Variants in PDE7B observed in about 807,000 individuals in gnomAD.
PDE7B encodes 3',5'-cyclic-AMP phosphodiesterase 7B.
A neutral mutation model predicts 56.2 loss-of-function variants in PDE7B; 29 were observed. The observed-to-expected ratio is 0.52, with a 90% CI of 0.38 to 0.70. PDE7B has a LOEUF of 0.70. PDE7B is among the 30% of genes least tolerant of loss of function. The pLI, the probability that PDE7B is intolerant of heterozygous loss-of-function variation, is 0.00. For synonymous variants in PDE7B, 197 were observed against 196.9 expected (o/e 1.00, Z 0.00); for missense variants, 490 against 565.0 (o/e 0.87, Z 1.35).
At chr6:136,024,046 A>T (rs1208637678) in intron 2 of PDE7B, among the ~76,000 whole-genome samples, 1 of 152,130 alleles carries the variant, frequency 6.6e-6, no homozygotes, top group African/African-American at 2.4e-5. Context: ...ACATCCTTTG[A>T]TGGTGATCTA....
intron 3 of PDE7B, among the ~76,000 whole-genome samples, chr6:136,113,807 G>A (rs1410723150): frequency 6.6e-6 from 1 of 152,196 alleles, no homozygotes; most frequent in Non-Finnish European, 1.5e-5. Context: ...ACAACCTTCT[G>A]CAGAGCAGGC....
chr6:136,141,177 G>C (rs544731944), intron 3 of PDE7B, among the ~76,000 whole-genome samples: 15 of 152,178 alleles, frequency 9.9e-5, no homozygotes, highest in African/African-American at 2.9e-4. Flanking sequence ...TAGCATGAAG[G>C]GTTGTTGAAT....
At chr6:135,945,902 C>T (rs1340805130) in intron 1 of PDE7B, among the ~76,000 whole-genome samples, 1 of 151,998 alleles carries the variant, frequency 6.6e-6, no homozygotes, top group Non-Finnish European at 1.5e-5. Context: ...AATATGAGGA[C>T]AATTCTTATT....
intron 9 of PDE7B, among the ~76,000 whole-genome samples, chr6:136,175,921 T>C (rs529836535): frequency 3.3e-5 from 5 of 152,226 alleles, no homozygotes; most frequent in African/African-American, 1.2e-4. Flanking sequence ...CAATGTACCA[T>C]CACCAAAATT....
At chr6:136,110,745 CTT>C (rs1777732243) in intron 3 of PDE7B, among the ~76,000 whole-genome samples, 1 of 133,510 alleles carries the variant, frequency 7.5e-6, no homozygotes, top group Admixed American at 7.6e-5. Context: ...CAATTTGCCT[CTT>C]TTACTTTTGT....
At chr6:136,147,198 C>T (rs1467278387) in intron 3 of PDE7B, among the ~76,000 whole-genome samples, 153 bp from the exon 4 acceptor site, 4 of 151,418 alleles carry the variant, frequency 2.6e-5, no homozygotes, top group East Asian at 1.9e-4. Flanking sequence ...GTTCATGAAA[C>T]ATTTCAAATG....
chr6:135,949,887 T>G (rs912052586), intron 2 of PDE7B, among the ~76,000 whole-genome samples: 1 of 152,138 alleles, frequency 6.6e-6, no homozygotes, highest in Non-Finnish European at 1.5e-5. Context: ...CTTAGTGAGT[T>G]TGAGTTGCTC....
At chr6:135,969,947 A>C (rs1321439288) in intron 2 of PDE7B, among the ~76,000 whole-genome samples, 1 of 152,210 alleles carries the variant, frequency 6.6e-6, no homozygotes, top group Non-Finnish European at 1.5e-5. Flanking sequence ...GTGAAGTGCC[A>C]TGCTATAGCC....
intron 2 of PDE7B, among the ~76,000 whole-genome samples, chr6:136,052,713 G>A (rs1046354334): frequency 2.1e-5 from 3 of 145,792 alleles, no homozygotes; most frequent in Middle Eastern, 3.8e-3. Flanking sequence ...GAAAAATTAA[G>A]AAGCAATGCT....
At chr6:136,160,648 C>G (rs1222089455) in intron 8 of PDE7B, among the ~76,000 whole-genome samples, 2 of 152,160 alleles carry the variant, frequency 1.3e-5, no homozygotes, top group South Asian at 2.1e-4. Context: ...CTGACCACAT[C>G]GATTCCTGCT....
intron 2 of PDE7B, among the ~76,000 whole-genome samples, chr6:135,953,043 C>A (rs1231956457): frequency 2.0e-5 from 3 of 152,096 alleles, no homozygotes; most frequent in Non-Finnish European, 4.4e-5. Context: ...ATCTGACGAC[C>A]TGAATTCTGG....
At chr6:135,924,895 A>C (rs1428267030) in intron 1 of PDE7B, among the ~76,000 whole-genome samples, 1 of 151,762 alleles carries the variant, frequency 6.6e-6, no homozygotes, top group Non-Finnish European at 1.5e-5. Flanking sequence ...AATACCAACA[A>C]CAAAAAAAGA....
chr6:135,991,596 A>G (rs1200907392), intron 2 of PDE7B, among the ~76,000 whole-genome samples: 1 of 152,228 alleles, frequency 6.6e-6, no homozygotes, highest in Non-Finnish European at 1.5e-5. Flanking sequence ...TGGGTCCACA[A>G]TTAGATTAGT....
chr6:136,047,331 G>C (rs928071373), intron 2 of PDE7B: 1 of 152,154 alleles, frequency 6.6e-6, no homozygotes, highest in East Asian at 1.9e-4. Context: ...TTTTCACATT[G>C]AGAGCTGAGC....
chr6:135,995,423 T>C (rs1775547034), intron 2 of PDE7B, among the ~76,000 whole-genome samples: 1 of 152,208 alleles, frequency 6.6e-6, no homozygotes, highest in Non-Finnish European at 1.5e-5. Context: ...ATAAAAATAG[T>C]ATTTTTTGTT....
At chr6:135,924,815 C>T (rs1213977775) in intron 1 of PDE7B, among the ~76,000 whole-genome samples, 1 of 150,912 alleles carries the variant, frequency 6.6e-6, no homozygotes, top group African/African-American at 2.4e-5. Context: ...TAGGAAAATA[C>T]AAGGAAAATT....
chr6:136,062,006 G>A (rs888898846), intron 2 of PDE7B, among the ~76,000 whole-genome samples: 2 of 152,266 alleles, frequency 1.3e-5, no homozygotes, highest in Admixed American at 1.3e-4. Context: ...GACAGAAATT[G>A]AAACAGTAAA....
At chr6:136,135,880 T>C (rs1201761909) in intron 3 of PDE7B, among the ~76,000 whole-genome samples, 1 of 152,102 alleles carries the variant, frequency 6.6e-6, no homozygotes, top group Non-Finnish European at 1.5e-5. Flanking sequence ...GAGAATGACA[T>C]CCTTAGCACC....
intron 8 of PDE7B, chr6:136,162,313 A>G (rs1778718312): frequency 6.6e-6 from 1 of 152,164 alleles, no homozygotes; most frequent in African/African-American, 2.4e-5. Flanking sequence ...GGAAGCAAAC[A>G]CGTCCTTCTT....
Sources: allele counts gnomAD v4.1 joint callset (sites outside exome capture counted in the v4.1 genomes callset), GRCh38; gene constraint gnomAD v4.1.1; transcripts MANE v1.5; gene names NCBI Gene and HGNC (gene_info 2026-07-23, HGNC 2026-07-21).